The following RGS5 variants were observed in gnomAD, a reference collection of about 807,000 sequenced individuals.
RGS5 encodes regulator of G protein signaling 5.
In RGS5, 20 loss-of-function variants were observed where a neutral mutation model predicts 18.9. The ratio of observed to expected loss-of-function variants is 1.06; its 90% CI spans 0.74 to 1.54. The LOEUF (loss-of-function observed/expected upper bound fraction) is 1.54. RGS5 is among the 40% of genes most tolerant of loss of function. The pLI, the probability that RGS5 is intolerant of heterozygous loss-of-function variation, is 0.00. For missense variants in RGS5, 201 were observed against 211.8 expected (o/e 0.95, Z 0.32); for synonymous variants, 57 against 76.2 (o/e 0.75, Z 1.31).
intron 1 of RGS5, among the ~76,000 whole-genome samples, chr1:163,173,357 C>T (rs1658390621): frequency 6.6e-6 from 1 of 152,196 alleles, no homozygotes; most frequent in Non-Finnish European, 1.5e-5. Flanking sequence ...AGATGACTCA[C>T]ATTAGTGATT....
intron 2 of RGS5, among the ~76,000 whole-genome samples, chr1:163,292,390 G>A (rs773686473): frequency 2.6e-5 from 4 of 152,176 alleles, no homozygotes; most frequent in Non-Finnish European, 4.4e-5. Flanking sequence ...TGGTGTATAT[G>A]TACCACATTT....
intron 4 of RGS5, among the ~76,000 whole-genome samples, chr1:163,149,985 C>T (rs988277003): frequency 6.6e-6 from 1 of 152,182 alleles, no homozygotes; most frequent in Admixed American, 6.5e-5. Context: ...TGCCCAAAGT[C>T]CCACATCTAA....
intron 2 of RGS5, among the ~76,000 whole-genome samples, chr1:163,245,327 A>G (rs1343438440): frequency 1.3e-5 from 2 of 150,804 alleles, no homozygotes; most frequent in African/African-American, 4.8e-5. Flanking sequence ...ATACTTGTAC[A>G]AGAACACTTG....
chr1:163,271,571 A>T (rs1330873258), intron 2 of RGS5, among the ~76,000 whole-genome samples: 2 of 152,170 alleles, frequency 1.3e-5, no homozygotes, highest in Non-Finnish European at 2.9e-5. Flanking sequence ...CACCCAGCCT[A>T]TGGTATCTTA....
intron 2 of RGS5, among the ~76,000 whole-genome samples, chr1:163,279,146 C>T (rs1161048107): frequency 6.6e-6 from 1 of 152,078 alleles, no homozygotes; most frequent in East Asian, 1.9e-4. Flanking sequence ...AAACATTAGA[C>T]TTAAAGTCTA....
chr1:163,191,026 G>A (rs947009413), intron 1 of RGS5, among the ~76,000 whole-genome samples: 8 of 152,064 alleles, frequency 5.3e-5, no homozygotes, highest in South Asian at 2.1e-4. Flanking sequence ...CTCCTGTGAC[G>A]GCCACCTGGG....
intron 1 of RGS5, among the ~76,000 whole-genome samples, chr1:163,190,259 C>T (rs572112784): frequency 6.6e-6 from 1 of 152,228 alleles, no homozygotes; most frequent in South Asian, 2.1e-4. Context: ...TGAGTGCCTC[C>T]CCGTGACAAC....
At chr1:163,308,244 C>T (rs1649758768) in intron 1 of RGS5, among the ~76,000 whole-genome samples, 1 of 152,036 alleles carries the variant, frequency 6.6e-6, no homozygotes, top group African/African-American at 2.4e-5. Context: ...GTCACTATAC[C>T]ATAGAAACTG....
intron 2 of RGS5, among the ~76,000 whole-genome samples, chr1:163,165,153 A>T (rs1657986239): frequency 6.6e-6 from 1 of 152,202 alleles, no homozygotes; most frequent in African/African-American, 2.4e-5. Flanking sequence ...AATTGTACAT[A>T]GATCTTTAGT....
chr1:163,203,385 T>G (rs1410630704), upstream of RGS5, among the ~76,000 whole-genome samples: 5 of 152,106 alleles, frequency 3.3e-5, no homozygotes, highest in Admixed American at 1.3e-4. Flanking sequence ...TGCCAGGCAC[T>G]CAGCTGGATG....
intron 1 of RGS5, among the ~76,000 whole-genome samples, chr1:163,183,595 C>A (rs570198995): frequency 1.3e-5 from 2 of 152,034 alleles, no homozygotes; most frequent in African/African-American, 4.8e-5. Context: ...TTAACTTATT[C>A]GCTGGTAAAA....
chr1:163,278,519 G>C (rs1027567218), intron 2 of RGS5, among the ~76,000 whole-genome samples: 4 of 151,996 alleles, frequency 2.6e-5, no homozygotes, highest in African/African-American at 9.7e-5. Context: ...CTATTATCAT[G>C]AAAACACAGA....
intron 4 of RGS5, among the ~76,000 whole-genome samples, chr1:163,149,316 C>A (rs555074266): frequency 6.6e-6 from 1 of 152,250 alleles, no homozygotes; most frequent in East Asian, 1.9e-4. Context: ...TTATTCTTCC[C>A]GCCACACTGA....
At chr1:163,291,766 C>A (rs762282104) in intron 2 of RGS5, among the ~76,000 whole-genome samples, 24 of 152,142 alleles carry the variant, frequency 1.6e-4, no homozygotes, top group Non-Finnish European at 2.5e-4. Context: ...AGCCTAGCCA[C>A]TTGCTCACCA....
chr1:163,210,366 AC>A (rs1433288942), intron 1 of RGS5, among the ~76,000 whole-genome samples: 3 of 152,170 alleles, frequency 2.0e-5, no homozygotes, highest in Non-Finnish European at 4.4e-5. Context: ...TAATGACTAT[AC>A]ATTTTACTTC....
chr1:163,184,464 AAG>A (rs1658987469), intron 1 of RGS5, among the ~76,000 whole-genome samples: 1 of 152,014 alleles, frequency 6.6e-6, no homozygotes, highest in Admixed American at 6.6e-5. Flanking sequence ...GTGACAGAAG[AAG>A]AGTTAGCAAG....
chr1:163,208,210 T>A (rs984133961), intron 1 of RGS5, among the ~76,000 whole-genome samples: 34 of 150,880 alleles, frequency 2.3e-4, no homozygotes, highest in East Asian at 1.9e-4. Flanking sequence ...TAGCCGGGCG[T>A]GGTGGCGGGC....
In RGS5 at chr1:163,150,762, G is replaced by A. The variant is rs1257357034; in HGVS notation, c.384+1788C>T. Among the ~76,000 whole-genome samples, 3 of 152,092 alleles carry A rather than the reference G, an allele frequency of 2.0e-5. No homozygotes were observed. In the East Asian group the frequency reaches 5.8e-4, roughly 29 times the overall value. On this transcript the variant is annotated intron_variant, in intron 4 of 4. Transcript: ENST00000313961. ...CTCCTAACCTCCAACCCTGTGTCATGGAGGAAGCACATCTACTAGTATCAA... is the reference window on the plus strand; with the variant it reads ...CTCCTAACCTCCAACCCTGTGTCATAGAGGAAGCACATCTACTAGTATCAA...
intron 2 of RGS5, among the ~76,000 whole-genome samples, chr1:163,280,891 C>A (rs1175900980): frequency 6.6e-6 from 1 of 152,112 alleles, no homozygotes. Context: ...TGTGTTAGTA[C>A]ATTTGCATTA....
Sources: allele counts gnomAD v4.1 joint callset (sites outside exome capture counted in the v4.1 genomes callset), GRCh38; gene constraint gnomAD v4.1.1; transcripts MANE v1.5; gene names NCBI Gene and HGNC (gene_info 2026-07-23, HGNC 2026-07-21).